TMEM50A: variants seen among roughly 807,000 people sequenced by gnomAD.
TMEM50A encodes the protein cervical cancer oncogene 9.
In TMEM50A, 8 loss-of-function variants were observed where a neutral mutation model predicts 23.9. The ratio of observed to expected loss-of-function variants is 0.33; its 90% CI spans 0.20 to 0.60. The LOEUF (loss-of-function observed/expected upper bound fraction) is 0.60, where lower values mean the gene tolerates loss of function less well. Ranked by LOEUF, TMEM50A falls within the 20% of genes least tolerant of loss-of-function variation. The pLI is 0.81. For synonymous variants in TMEM50A, 55 were observed against 60.4 expected (o/e 0.91, Z 0.41); for missense variants, 178 against 192.7 (o/e 0.92, Z 0.45).
chr1:25,356,516 A>C (rs1161191456), intron 5 of TMEM50A, among the ~76,000 whole-genome samples: 1 of 152,178 alleles, frequency 6.6e-6, no homozygotes, highest in Non-Finnish European at 1.5e-5. Context: ...GAGGGCAAAA[A>C]AAATTTTACC....
Position 25,360,891 on chromosome 1 carries a change from C to A in TMEM50A, c.*186C>A. On this transcript the variant is annotated 3_prime_UTR_variant, in exon 7 of 7. Coordinates refer to ENST00000374358, the MANE Select transcript of TMEM50A (RefSeq NM_014313.4). Reference sequence around the variant, plus strand: ...AACCAAAAATCTATTGTGGTATGCACTTGATTAACTTATAAAATGTTAGAG... The same window carrying A: ...AACCAAAAATCTATTGTGGTATGCAATTGATTAACTTATAAAATGTTAGAG... 2.2e-6 allele frequency: 1 copy of A among 457,914 alleles called. No homozygotes were observed. Among genetic ancestry groups the A allele is most frequent in the East Asian group, 3.3e-5 (1 of 30,040 alleles). 28.4% of individuals were successfully genotyped at this position (457,914 alleles called of 1,614,324 possible).
intron 3 of TMEM50A, among the ~76,000 whole-genome samples, 180 bp downstream of exon 3, chr1:25,343,253 T>G (rs950894901): frequency 2.0e-5 from 3 of 152,240 alleles, no homozygotes; most frequent in Non-Finnish European, 4.4e-5. Context: ...TTATTCTTTT[T>G]GTGTACCTCT....
chr1:25,344,999 G>A (rs567847119), intron 3 of TMEM50A, among the ~76,000 whole-genome samples: 4 of 151,884 alleles, frequency 2.6e-5, no homozygotes, highest in African/African-American at 4.8e-5. Flanking sequence ...CCAGAAGCCC[G>A]TATCTGTCTG....
intron 1 of TMEM50A, among the ~76,000 whole-genome samples, chr1:25,338,980 T>G (rs1645135187): frequency 6.6e-6 from 1 of 152,222 alleles, no homozygotes; most frequent in South Asian, 2.1e-4. Context: ...TTGCAGTTCT[T>G]CCCGGGGAAG....
intron 3 of TMEM50A, 145 bp from the exon 4 acceptor site, chr1:25,351,481 C>G (rs1571803407): frequency 1.7e-6 from 1 of 578,684 alleles, no homozygotes; most frequent in Middle Eastern, 3.4e-4. Flanking sequence ...TGCATTCTAG[C>G]TTGAGCAACA....
At chr1:25,338,938 A>C (rs748877375) in intron 1 of TMEM50A, 1 of 152,180 alleles carries the variant, frequency 6.6e-6, no homozygotes, top group Non-Finnish European at 1.5e-5. Flanking sequence ...GGGTGGGGCC[A>C]TTGGGATGAA....
chr1:25,339,438 A>G (rs1235791577), intron 1 of TMEM50A, among the ~76,000 whole-genome samples: 1 of 152,230 alleles, frequency 6.6e-6, no homozygotes, highest in African/African-American at 2.4e-5. Context: ...TAGGGATATT[A>G]AAGTGGATGT....
rs759564668 is a variant in TMEM50A, at chr1:25,360,668, T to A, written c.437T>A (p.Val146Asp). 1.6e-5 allele frequency: 26 copies of A among 1,613,964 alleles called. No individual in the cohort carries two copies. Among genetic ancestry groups the A allele is most frequent in the Non-Finnish European group, 1.9e-5 (22 of 1,179,994 alleles). The change falls in exon 7 of 7, where the codon GTT (valine) becomes GAT (aspartate). Residue 146 changes from valine to aspartate, a missense_variant. Coordinates refer to ENST00000374358, the MANE Select transcript of TMEM50A (RefSeq NM_014313.4). ...QNAFIFFGGLVFKFGRTEDLW... is the reference protein window; with the variant it reads ...QNAFIFFGGLDFKFGRTEDLW... ...TCTTGTTTTATTCACAGAGGGCTGG[T>A]TTTTAAGTTTGGCCGCACTGAAGAC...
At chr1:25,357,890 G>A (rs1269613026) in intron 6 of TMEM50A, among the ~76,000 whole-genome samples, 1 of 151,430 alleles carries the variant, frequency 6.6e-6, no homozygotes, top group African/African-American at 2.4e-5. Context: ...GCCTGCCTCA[G>A]CCTCCCAAAG....
At chr1:25,358,042 G>C (rs3093635) in intron 6 of TMEM50A, among the ~76,000 whole-genome samples, 1,840 of 150,518 alleles carry the variant, frequency 0.012, 29 homozygotes, top group African/African-American at 0.042. Context: ...CTGCCTCCCA[G>C]GTTCAAGTGA....
intron 3 of TMEM50A, among the ~76,000 whole-genome samples, chr1:25,350,828 A>G (rs1292204566): frequency 6.6e-6 from 1 of 152,150 alleles, no homozygotes; most frequent in African/African-American, 2.4e-5. Context: ...GTTGCCAAGT[A>G]ATGCTGATTC....
intron 3 of TMEM50A, among the ~76,000 whole-genome samples, chr1:25,349,529 A>G (rs1462354599): frequency 6.6e-6 from 1 of 152,240 alleles, no homozygotes; most frequent in East Asian, 1.9e-4. Flanking sequence ...GATCACTGAA[A>G]ATAATTGAGT....
At chr1:25,341,782 C>T (rs988631118) in intron 2 of TMEM50A, among the ~76,000 whole-genome samples, 1 of 152,160 alleles carries the variant, frequency 6.6e-6, no homozygotes, top group African/African-American at 2.4e-5. Flanking sequence ...GCAACCTCGA[C>T]CTCCCGGGCT....
Position 25,343,031 on chromosome 1 carries a change from C to T in TMEM50A, c.164C>T (p.Ser55Leu). 1.2e-6 allele frequency: 2 copies of T among 1,613,670 alleles called. No individual in the cohort carries two copies. The highest frequency in any genetic ancestry group is 1.7e-6 in the Non-Finnish European group (2 of 1,179,856). Residue 55 changes from serine (S) to leucine (L), a missense_variant, in exon 3 of 7, where the codon TCA becomes TTA. By Grantham distance (145) the Ser-to-Leu change is moderately radical (BLOSUM62 -2). Coordinates refer to ENST00000374358, the MANE Select transcript of TMEM50A (RefSeq NM_014313.4). The part of the protein sequence containing the change: ...IYPTMKDFNH[S>L]YHACGVIATI... ...CCCACCATGAAAGATTTCAACCACT[C>T]ATACCATGCCTGTGGTGTTATAGCA...
intron 6 of TMEM50A, among the ~76,000 whole-genome samples, chr1:25,357,969 A>G (rs1161794753): frequency 3.3e-5 from 4 of 123,004 alleles, no homozygotes; most frequent in African/African-American, 1.3e-4. Flanking sequence ...TTTTTTTTAG[A>G]GGGAGTCTCA....
rs540811568 is a variant in TMEM50A at position 25,343,569 on chromosome 1, T to A, written c.206+496T>A. On this transcript the variant is annotated intron_variant, in intron 3 of 6. Transcript: ENST00000374358. ...ATAGGAGGGATAGAAATTAAAAAAT[T>A]TTTTTTTTTATAGAGAGGGTGTCTC... Among the ~76,000 whole-genome samples, 181 of 151,326 alleles carry A rather than the reference T, an allele frequency of 1.2e-3. 1 individual carries two copies. In the Middle Eastern group the frequency reaches 0.017, roughly 14 times the overall value.
chr1:25,351,666 T>C lies in TMEM50A; in HGVS notation c.247T>C (p.Tyr83His). The C allele has an allele frequency of 6.2e-7, 1 of 1,613,680 alleles. No homozygotes were observed. The highest frequency in any genetic ancestry group is 8.5e-7 in the Non-Finnish European group (1 of 1,179,878). ...GAATGGACAAGTCCGAGGTGATAGT[T>C]ACAGTGAAGGTTGTCTGGGTCAAAC... is the stretch of plus-strand genomic sequence containing the variant. ...VSNGQVRGDS[Y>H]SEGCLGQTGA... The change falls in exon 4 of 7, where the codon TAC (tyrosine) becomes CAC (histidine). Residue 83 changes from tyrosine to histidine, a missense_variant. Physicochemically the swap from Tyr to His is moderately conservative, Grantham distance 83. Transcript: ENST00000374358.
At chr1:25,353,317 C>T (rs553009405) in intron 5 of TMEM50A, among the ~76,000 whole-genome samples, 1 of 151,528 alleles carries the variant, frequency 6.6e-6, no homozygotes, top group Non-Finnish European at 1.5e-5. Flanking sequence ...AAGAGTCTCA[C>T]TATCACCCAG....
In TMEM50A at chr1:25,338,342, A is replaced by G. The variant is rs1480329340; in HGVS notation, c.-128A>G. The G allele has an allele frequency of 1.3e-5, 2 of 152,470 alleles. No individual in the cohort carries two copies. Among genetic ancestry groups the G allele is most frequent in the African/African-American group, 4.8e-5 (2 of 41,470 alleles). The allele number at this position is 152,470 out of a possible 1,614,324, so 9.4% of individuals were successfully genotyped here. ...TGAGCCGGGTGGATGGTACTGCTGC[A>G]TCCGGGTGTCTGGAGGCTGTGGCCG... On this transcript the variant is annotated 5_prime_UTR_variant, in exon 1 of 7. Coordinates refer to ENST00000374358, the MANE Select transcript of TMEM50A (RefSeq NM_014313.4).
Sources: allele counts gnomAD v4.1 joint callset (sites outside exome capture counted in the v4.1 genomes callset), GRCh38; gene constraint gnomAD v4.1.1; transcripts MANE v1.5; gene names NCBI Gene and HGNC (gene_info 2026-07-23, HGNC 2026-07-21).